Variants in SLC2A13 observed in about 807,000 individuals in gnomAD.
The protein encoded by SLC2A13 is solute carrier family 2 member 13.
SLC2A13 carries 32 observed loss-of-function variants against 64.4 expected under a neutral mutation model. The ratio of observed to expected loss-of-function variants is 0.50; its 90% CI spans 0.37 to 0.67. The LOEUF (loss-of-function observed/expected upper bound fraction) is 0.67. SLC2A13 is among the 30% of genes least tolerant of loss of function. The pLI is 0.00. For synonymous variants in SLC2A13, 338 were observed against 327.1 expected (o/e 1.03, Z -0.36); for missense variants, 743 against 829.2 (o/e 0.90, Z 1.28).
intron 3 of SLC2A13, among the ~76,000 whole-genome samples, chr12:40,020,404 T>G (rs189633989): frequency 6.6e-6 from 1 of 152,306 alleles, no homozygotes; most frequent in East Asian, 1.9e-4. Flanking sequence ...CTTTCTTCAC[T>G]CTCTCTCCTG....
intron 4 of SLC2A13, among the ~76,000 whole-genome samples, chr12:39,910,102 C>A (rs1010390083): frequency 2.6e-5 from 4 of 152,086 alleles, no homozygotes; most frequent in African/African-American, 9.7e-5. Context: ...ACCCTGTCCC[C>A]TGCTTCCTCG....
intron 2 of SLC2A13, among the ~76,000 whole-genome samples, chr12:40,031,366 G>A (rs970076423): frequency 2.6e-5 from 4 of 152,190 alleles, no homozygotes; most frequent in Non-Finnish European, 4.4e-5. Flanking sequence ...GGGACTACAG[G>A]TGCGTGCCAC....
chr12:39,862,159 T>C (rs1943780898), intron 6 of SLC2A13, among the ~76,000 whole-genome samples: 1 of 152,158 alleles, frequency 6.6e-6, no homozygotes, highest in African/African-American at 2.4e-5. Flanking sequence ...CCTTGGAAAA[T>C]ACATTATCAA....
chr12:40,060,952 G>A (rs1463037343), intron 1 of SLC2A13, among the ~76,000 whole-genome samples: 1 of 152,110 alleles, frequency 6.6e-6, no homozygotes, highest in Non-Finnish European at 1.5e-5. Context: ...AAAATTGGGA[G>A]AAGGTTAAAG....
intron 6 of SLC2A13, among the ~76,000 whole-genome samples, chr12:39,839,112 A>G (rs1943109314): frequency 6.6e-6 from 1 of 152,048 alleles, no homozygotes; most frequent in African/African-American, 2.4e-5. Context: ...CCAAACTTCC[A>G]TACTCTACTA....
chr12:39,774,548 A>C (rs1202015386), intron 7 of SLC2A13, among the ~76,000 whole-genome samples: 1 of 150,302 alleles, frequency 6.7e-6, no homozygotes, highest in Non-Finnish European at 1.5e-5. Flanking sequence ...GACCATGTTG[A>C]AAATCCTGCC....
intron 3 of SLC2A13, among the ~76,000 whole-genome samples, chr12:39,973,021 C>G (rs1946693521): frequency 6.6e-6 from 1 of 151,508 alleles, no homozygotes; most frequent in South Asian, 2.1e-4. Context: ...GAGCCGAGAT[C>G]ACACCATTGC....
intron 4 of SLC2A13, among the ~76,000 whole-genome samples, chr12:39,944,904 G>A (rs1489645648): frequency 2.0e-5 from 3 of 152,026 alleles, no homozygotes; most frequent in Admixed American, 2.0e-4. Flanking sequence ...GGGTACTTTG[G>A]TTTTTGTTTT....
At chr12:40,044,074 C>A (rs951570821) in intron 2 of SLC2A13, among the ~76,000 whole-genome samples, 1 of 152,042 alleles carries the variant, frequency 6.6e-6, no homozygotes, top group Non-Finnish European at 1.5e-5. Flanking sequence ...TATATAGCCC[C>A]AAAATGTTAA....
At chr12:39,982,722 G>A in intron 3 of SLC2A13, among the ~76,000 whole-genome samples, 1 of 148,954 alleles carries the variant, frequency 6.7e-6, no homozygotes, top group East Asian at 2.0e-4. Context: ...TGGGTAGGAA[G>A]AATCAATATC....
intron 6 of SLC2A13, among the ~76,000 whole-genome samples, chr12:39,848,883 G>A (rs1270458905): frequency 6.6e-6 from 1 of 152,152 alleles, no homozygotes; most frequent in African/African-American, 2.4e-5. Context: ...AACATGGATG[G>A]AGCTGGAGGC....
chr12:39,918,938 GCA>G (rs567663354), intron 4 of SLC2A13, among the ~76,000 whole-genome samples: 5 of 149,762 alleles, frequency 3.3e-5, no homozygotes, highest in East Asian at 2.0e-4. Flanking sequence ...TTATACACGC[GCA>G]CACACACACA....
intron 4 of SLC2A13, among the ~76,000 whole-genome samples, chr12:39,875,136 T>A (rs566678927): frequency 2.6e-5 from 4 of 152,224 alleles, no homozygotes; most frequent in Non-Finnish European, 5.9e-5. Flanking sequence ...ACATTTATTA[T>A]CTCACAGCTC....
At chr12:39,966,837 T>G (rs1016603624) in intron 3 of SLC2A13, among the ~76,000 whole-genome samples, 1 of 152,162 alleles carries the variant, frequency 6.6e-6, no homozygotes. Flanking sequence ...TTCCTTGGCA[T>G]TTTGCTTTTA....
intron 4 of SLC2A13, among the ~76,000 whole-genome samples, chr12:39,944,974 A>T (rs1239496158): frequency 6.6e-6 from 1 of 151,972 alleles, no homozygotes. Context: ...TTTTGCTTTA[A>T]AGAGTTTCTG....
intron 3 of SLC2A13, among the ~76,000 whole-genome samples, chr12:39,982,861 C>T (rs934553512): frequency 1.6e-5 from 2 of 126,266 alleles, no homozygotes; most frequent in African/African-American, 5.8e-5. Flanking sequence ...AAAGAGCCCG[C>T]ATTGCCAAGT....
At chr12:40,074,166 ATTTTT>A (rs34071336) in intron 1 of SLC2A13, among the ~76,000 whole-genome samples, 6 of 121,856 alleles carry the variant, frequency 4.9e-5, no homozygotes, top group East Asian at 2.4e-4. Context: ...CATCAAAGAC[ATTTTT>A]TTTTTTTTTT....
At chr12:40,091,721 G>A (rs1310057658) in intron 1 of SLC2A13, among the ~76,000 whole-genome samples, 1 of 152,144 alleles carries the variant, frequency 6.6e-6, no homozygotes, top group South Asian at 2.1e-4. Context: ...CAGTCCTACA[G>A]AGGTTTTAAT....
chr12:40,002,697 A>G (rs543354147), intron 3 of SLC2A13, among the ~76,000 whole-genome samples: 1 of 152,204 alleles, frequency 6.6e-6, no homozygotes, highest in Non-Finnish European at 1.5e-5. Context: ...ATCCCCGTGA[A>G]GGGTTCAAAG....
Sources: allele counts gnomAD v4.1 joint callset (sites outside exome capture counted in the v4.1 genomes callset), GRCh38; gene constraint gnomAD v4.1.1; transcripts MANE v1.5; gene names NCBI Gene and HGNC (gene_info 2026-07-23, HGNC 2026-07-21).